FHAD1: variants seen among roughly 807,000 people sequenced by gnomAD.
FHAD1 encodes forkhead associated phosphopeptide binding domain 1, also known as forkhead-associated domain-containing protein 1.
A neutral mutation model predicts 191.3 loss-of-function variants in FHAD1; 146 were observed. The observed-to-expected ratio is 0.76, with a 90% CI of 0.67 to 0.88. The LOEUF (loss-of-function observed/expected upper bound fraction) is 0.88, where lower values mean the gene tolerates loss of function less well. FHAD1 is among the 40% of genes least tolerant of loss of function. The pLI is 0.00. For missense variants in FHAD1, 1,635 were observed against 1,785.8 expected (o/e 0.92, Z 1.52); for synonymous variants, 616 against 672.3 (o/e 0.92, Z 1.29).
At chr1:15,241,574 C>T (rs1055824043) in intron 1 of FHAD1, among the ~76,000 whole-genome samples, 10 of 151,992 alleles carry the variant, frequency 6.6e-5, no homozygotes, top group Middle Eastern at 6.8e-3. Flanking sequence ...CACTTGAACA[C>T]GGGAGGCAGA....
Position 15,381,362 on chromosome 1 carries a change from GGT to G in FHAD1, c.3936_3937del (p.Phe1313Ter). 6.4e-7 allele frequency: 1 copy of G among 1,551,800 alleles called. No individual in the cohort carries two copies. The highest frequency in any genetic ancestry group is 8.7e-7 in the Non-Finnish European group (1 of 1,147,008). ...NQLRQRDLDL[V>X]FDKITQLKNQ... ...AGCTTCGACAAAGGGACCTCGACCTGGTGTTTGATAAGATCACCCAACTCAAG... is the reference window on the plus strand; with the variant it reads ...AGCTTCGACAAAGGGACCTCGACCTGGTTTGATAAGATCACCCAACTCAAG... On this transcript the variant is annotated frameshift_variant, in exon 30 of 34. Coordinates refer to ENST00000688493, the MANE Select transcript of FHAD1 (RefSeq NM_001391957.1). LOFTEE classifies it high-confidence loss of function. This position sits in a 1 kb window ranked among gnomAD's most constrained non-coding sequence, Gnocchi z 4.6.
chr1:15,349,257 A>T, intron 19 of FHAD1, 108 bp downstream of exon 19: 1 of 839,452 alleles, frequency 1.2e-6, no homozygotes, highest in East Asian at 2.7e-5. Flanking sequence ...CTCCCTTTGA[A>T]GTGGCCAAGA....
At chr1:15,362,807 C>A in intron 23 of FHAD1, 81 bp downstream of exon 23, 3 of 1,078,162 alleles carry the variant, frequency 2.8e-6, no homozygotes, top group Non-Finnish European at 2.8e-6. Context: ...CCAGCCCCTA[C>A]CTGGGCCACA....
intron 17 of FHAD1, 102 bp from the exon 18 acceptor site, chr1:15,345,314 G>A (rs1688443859): frequency 2.2e-6 from 3 of 1,346,544 alleles, no homozygotes; most frequent in South Asian, 2.5e-5. Context: ...AGTCCCCTAG[G>A]GAGGTGTAGT....
chr1:15,328,084 A>G, intron 12 of FHAD1, 193 bp from the exon 13 acceptor site: 1 of 389,406 alleles, frequency 2.6e-6, no homozygotes, highest in Non-Finnish European at 4.6e-6. Context: ...TGATTCTGGG[A>G]CTCATTCCCT....
chr1:15,326,457 A>C (rs1678620439), intron 11 of FHAD1: 1 of 152,200 alleles, frequency 6.6e-6, no homozygotes. Flanking sequence ...CTAGAAGTAG[A>C]GGCCCTTGGC....
intron 3 of FHAD1, among the ~76,000 whole-genome samples, chr1:15,273,248 C>A (rs1186599910): frequency 6.6e-6 from 1 of 152,060 alleles, no homozygotes; most frequent in Non-Finnish European, 1.5e-5. Flanking sequence ...CATTTGAAAC[C>A]TAAATGCCCA....
In FHAD1 at chr1:15,375,784, G is replaced by A. The variant is rs974995107; in HGVS notation, c.3705+54G>A. On this transcript the variant is annotated intron_variant, in intron 28 of 33. Transcript: ENST00000688493. ...ACTGGCATGTGGAGAGGAGGGGCCT[G>A]AGGGCAGACACTAGCTTCGTTCCCT... 1.3e-5 allele frequency: 20 copies of A among 1,483,324 alleles called. No homozygotes were observed. In the East Asian group the frequency reaches 5.0e-4, roughly 37 times the overall value. The allele number at this position is 1,483,324 out of a possible 1,614,324, so 91.9% of individuals were successfully genotyped here.
Position 15,327,467 on chromosome 1 carries a change from G to A in FHAD1, c.1557+325G>A, listed in dbSNP as rs745403367. 6.9e-5 allele frequency: 16 copies of A among 230,740 alleles called. No individual in the cohort carries two copies. Among genetic ancestry groups the A allele is most frequent in the East Asian group, 2.1e-4 (2 of 9,642 alleles). 14.3% of individuals were successfully genotyped at this position (230,740 alleles called of 1,614,324 possible). ...CTCCCCACAGCCAGTGCGTTCTGGC[G>A]CGTTCCTTCAGAGGAGAAAAGTTGA... On this transcript the variant is annotated intron_variant, in intron 12 of 33. Transcript: ENST00000688493. The surrounding 1 kb of genome is among the most constrained non-coding windows in gnomAD (Gnocchi z 5.1).
chr1:15,321,151 C>T (rs1676122778), intron 10 of FHAD1, among the ~76,000 whole-genome samples: 2 of 152,234 alleles, frequency 1.3e-5, no homozygotes, highest in South Asian at 2.1e-4. Context: ...CCAGGATGGT[C>T]TCCATCTCTT....
intron 24 of FHAD1, among the ~76,000 whole-genome samples, chr1:15,366,581 A>C (rs1280657464): frequency 6.6e-6 from 1 of 152,230 alleles, no homozygotes; most frequent in Non-Finnish European, 1.5e-5. Flanking sequence ...ATCTCCCTGC[A>C]GCAGGCCAGT....
intron 15 of FHAD1, among the ~76,000 whole-genome samples, chr1:15,339,857 G>A (rs1266926336): frequency 6.6e-6 from 1 of 150,834 alleles, no homozygotes; most frequent in Non-Finnish European, 1.5e-5. Flanking sequence ...TTTGAGTCTC[G>A]CTCTGTTGCC....
chr1:15,304,491 T>C (rs1669798500), intron 6 of FHAD1, among the ~76,000 whole-genome samples: 1 of 152,210 alleles, frequency 6.6e-6, no homozygotes. Flanking sequence ...GTCTGGGGGA[T>C]GTATTTTCCC....
chr1:15,382,324 A>G (rs1701107656), intron 31 of FHAD1, 131 bp downstream of exon 31: 1 of 899,076 alleles, frequency 1.1e-6, no homozygotes, highest in Non-Finnish European at 1.7e-6. Flanking sequence ...AGGCAACTGG[A>G]TAGCTTTTGC....
Position 15,289,481 on chromosome 1 carries a change from C to A in FHAD1, c.383C>A (p.Pro128His), listed in dbSNP as rs1390234778. 6 of 1,551,884 alleles carry A rather than the reference C, an allele frequency of 3.9e-6. No individual in the cohort carries two copies. The highest frequency in any genetic ancestry group is 5.2e-6 in the Non-Finnish European group (6 of 1,147,042). Residue 128 changes from proline (P) to histidine (H), a missense_variant, in exon 4 of 34, where the codon CCC becomes CAC. Physicochemically the swap from Pro to His is moderately conservative, Grantham distance 77 (BLOSUM62 -2). Transcript: ENST00000688493. The surrounding 1 kb of genome is among the most constrained non-coding windows in gnomAD (Gnocchi z 4.2). ...GCCACACAGCAGCCAAACCAGGCCC[C>A]CCCACCATCACATATCCCCTTCCAC... Reference protein sequence around the residue: ...PRATQQPNQAPPPSHIPFHQG... With the variant: ...PRATQQPNQAHPPSHIPFHQG...
At chr1:15,324,674 A>G in intron 11 of FHAD1, 115 bp downstream of exon 11, 1 of 724,832 alleles carries the variant, frequency 1.4e-6, no homozygotes, top group East Asian at 2.7e-5. Context: ...ACGTGCGTTA[A>G]TTCTCCCATT....
At chr1:15,380,250 T>G (rs1184742236) in intron 28 of FHAD1, among the ~76,000 whole-genome samples, 1 of 152,082 alleles carries the variant, frequency 6.6e-6, no homozygotes, top group Non-Finnish European at 1.5e-5. Flanking sequence ...ACTGTTGATA[T>G]TTTAGGGCCC....
At chr1:15,331,074 T>C (rs1022199235) in intron 14 of FHAD1, among the ~76,000 whole-genome samples, 3 of 151,738 alleles carry the variant, frequency 2.0e-5, no homozygotes, top group African/African-American at 7.3e-5. Context: ...TGACAGAGAG[T>C]CAACAAGACC....
chr1:15,360,045 A>G (rs552146354), intron 21 of FHAD1, among the ~76,000 whole-genome samples: 3 of 152,242 alleles, frequency 2.0e-5, no homozygotes, highest in East Asian at 1.9e-4. Flanking sequence ...CCCAGGAGGC[A>G]GAGGTTGCAG....
Sources: allele counts gnomAD v4.1 joint callset (sites outside exome capture counted in the v4.1 genomes callset), GRCh38; gene constraint gnomAD v4.1.1; non-coding constraint Gnocchi (gnomAD v3.1); transcripts MANE v1.5; gene names NCBI Gene and HGNC (gene_info 2026-07-23, HGNC 2026-07-21).